KCNS3: variants seen among roughly 807,000 people sequenced by gnomAD.
KCNS3 encodes the protein potassium voltage-gated channel modifier subfamily S member 3.
A neutral mutation model predicts 31.0 loss-of-function variants in KCNS3; 13 were observed. The observed-to-expected ratio is 0.42, with a 90% CI of 0.27 to 0.67. The LOEUF (loss-of-function observed/expected upper bound fraction) is 0.67. Ranked by LOEUF, KCNS3 falls within the 30% of genes least tolerant of loss-of-function variation. The probability of loss-of-function intolerance (pLI) is 0.25; values close to 1 mark genes in which losing one functional copy is unlikely to be tolerated. For missense variants in KCNS3, 545 were observed against 622.4 expected (o/e 0.88, Z 1.32); for synonymous variants, 238 against 241.5 (o/e 0.99, Z 0.13).
At position 17,931,681 on chromosome 2, in the gene KCNS3, G is replaced by T. The variant is rs17856097; in HGVS notation, c.673G>T (p.Val225Leu). ...AGTGGATGATCCGGTGCTGGAAGGAGTGGAGATCGCGTGCATTGCCTGGTT... is the reference window on the plus strand; with the variant it reads ...AGTGGATGATCCGGTGCTGGAAGGATTGGAGATCGCGTGCATTGCCTGGTT... ...GEVDDPVLEGVEIACIAWFTG... is the reference protein window; with the variant it reads ...GEVDDPVLEGLEIACIAWFTG... The change falls in exon 3 of 3, where the codon GTG becomes TTG. Residue 225 changes from valine (V) to leucine (L), a missense_variant. Transcript: ENST00000304101. The surrounding 1 kb of genome is among the most constrained non-coding windows in gnomAD (Gnocchi z 5.4). 2 of 1,614,222 alleles carry T rather than the reference G, an allele frequency of 1.2e-6. No homozygotes were observed. The highest frequency in any genetic ancestry group is 1.7e-6 in the Non-Finnish European group (2 of 1,180,034).
intron 1 of KCNS3, among the ~76,000 whole-genome samples, chr2:17,910,588 C>T (rs772160264): frequency 2.0e-5 from 3 of 150,978 alleles, no homozygotes; most frequent in Non-Finnish European, 4.4e-5. Context: ...CATTTCAGAT[C>T]ACTGGGATTC....
rs1181015760 is a variant in KCNS3 at position 17,931,963 on chromosome 2, C to A, written c.955C>A (p.His319Asn). Residue 319 changes from histidine to asparagine, a missense_variant, in exon 3 of 3, where the codon CAC becomes AAC. His to Asn is a moderately conservative substitution (Grantham distance 68). Transcript: ENST00000304101. This position sits in a 1 kb window ranked among gnomAD's most constrained non-coding sequence, Gnocchi z 5.4. ...TCGGTCTCTAGGTGCCACACTGAGA[C>A]ACAGCTACCATGAAGTTGGGCTTCT... ...GLRSLGATLR[H>N]SYHEVGLLLL... 6.2e-7 allele frequency: 1 copy of A among 1,614,012 alleles called. No homozygotes were observed. Among genetic ancestry groups the A allele is most frequent in the Non-Finnish European group, 8.5e-7 (1 of 1,180,026 alleles).
At chr2:17,925,577 G>A (rs943879257) in intron 2 of KCNS3, among the ~76,000 whole-genome samples, 1 of 152,188 alleles carries the variant, frequency 6.6e-6, no homozygotes, top group Admixed American at 6.5e-5. Flanking sequence ...AGGGGAAGAG[G>A]CACGTCTTAC....
chr2:17,904,327 T>C (rs915803402), intron 1 of KCNS3, among the ~76,000 whole-genome samples: 1 of 152,196 alleles, frequency 6.6e-6, no homozygotes, highest in Non-Finnish European at 1.5e-5. Flanking sequence ...TCTTGTAAAT[T>C]TGTTGGAGTT....
At chr2:17,920,658 G>T (rs779919401) in intron 2 of KCNS3, among the ~76,000 whole-genome samples, 5 of 152,178 alleles carry the variant, frequency 3.3e-5, no homozygotes, top group Non-Finnish European at 7.3e-5. Flanking sequence ...GAGTGATGTG[G>T]GTTGATAGTA....
intron 1 of KCNS3, among the ~76,000 whole-genome samples, chr2:17,884,716 C>G (rs970223410): frequency 1.8e-4 from 28 of 152,206 alleles, no homozygotes; most frequent in African/African-American, 6.0e-4. Flanking sequence ...GTGAGTCCAG[C>G]TCGTTGGTAA....
intron 2 of KCNS3, among the ~76,000 whole-genome samples, chr2:17,923,227 G>A (rs945589454): frequency 3.3e-5 from 5 of 152,082 alleles, no homozygotes; most frequent in Admixed American, 2.0e-4. Flanking sequence ...TAATGATGTT[G>A]AGCATCTTTT....
chr2:17,931,196 C>T lies in KCNS3; in HGVS notation c.188C>T (p.Ala63Val). 1 of 1,614,058 alleles carries T rather than the reference C, an allele frequency of 6.2e-7. No homozygotes were observed. The highest frequency in any genetic ancestry group is 8.5e-7 in the Non-Finnish European group (1 of 1,179,986). The part of the protein sequence containing the change: ...ILELCDDYSV[A>V]DKEYYFDRNP... ...GAGCTGTGTGATGATTACAGTGTGG[C>T]CGATAAGGAGTACTACTTTGATCGG... The change falls in exon 3 of 3, where the codon GCC becomes GTC. Residue 63 changes from alanine (A) to valine (V), a missense_variant. Ala to Val is a moderately conservative substitution (Grantham distance 64). Coordinates refer to ENST00000304101, the MANE Select transcript of KCNS3 (RefSeq NM_002252.5). This position sits in a 1 kb window ranked among gnomAD's most constrained non-coding sequence, Gnocchi z 5.4.
In KCNS3 at chr2:17,931,599, C is replaced by T; in HGVS notation, c.591C>T (p.Ala197=). Residue 197 remains alanine, a synonymous_variant, in exon 3 of 3, where the codon GCC becomes GCT. Transcript: ENST00000304101. This position sits in a 1 kb window ranked among gnomAD's most constrained non-coding sequence, Gnocchi z 5.4. The part of the protein sequence containing the change: ...IAISSLSVVL[A]SIVAMCVHSM... The stretch of plus-strand genomic sequence containing the variant: ...TCTCCTCCTTGAGCGTGGTGCTGGC[C>T]TCCATCGTGGCCATGTGCGTTCACA... 2 of 1,614,176 alleles carry T rather than the reference C, an allele frequency of 1.2e-6. No individual in the cohort carries two copies. Among genetic ancestry groups the T allele is most frequent in the South Asian group, 1.1e-5 (1 of 91,082 alleles).
In KCNS3 at chr2:17,904,100, C is replaced by T. The variant is rs1418963208; in HGVS notation, c.-251-13580C>T. On this transcript the variant is annotated intron_variant, in intron 1 of 2. Transcript: ENST00000304101. ...CAGTGTAAAAGTGTTCCTATTTCTC[C>T]ACATCCTCTCCAGCACCTGTGGTTT... Among the ~76,000 whole-genome samples, 4 of 152,156 alleles carry T rather than the reference C, an allele frequency of 2.6e-5. No homozygotes were observed. The South Asian group carries it at 8.3e-4, about 32-fold the overall frequency.
At chr2:17,903,526 A>G (rs1662237418) in intron 1 of KCNS3, among the ~76,000 whole-genome samples, 1 of 152,122 alleles carries the variant, frequency 6.6e-6, no homozygotes, top group African/African-American at 2.4e-5. Flanking sequence ...TTACATATGT[A>G]TACATGTGCC....
chr2:17,893,625 G>A (rs1402787598), intron 1 of KCNS3, among the ~76,000 whole-genome samples: 1 of 152,130 alleles, frequency 6.6e-6, no homozygotes, highest in Non-Finnish European at 1.5e-5. Flanking sequence ...ATTTCGCTCG[G>A]CTCTCTAACT....
chr2:17,905,630 A>G (rs1295308321), intron 1 of KCNS3, among the ~76,000 whole-genome samples: 1 of 152,086 alleles, frequency 6.6e-6, no homozygotes, highest in East Asian at 1.9e-4. Flanking sequence ...TTTGAGATAC[A>G]TCTCATCAAT....
At chr2:17,895,485 G>A (rs1662004016) in intron 1 of KCNS3, among the ~76,000 whole-genome samples, 1 of 152,144 alleles carries the variant, frequency 6.6e-6, no homozygotes, top group African/African-American at 2.4e-5. Flanking sequence ...AGCCAATATG[G>A]TGAGAAGGTA....
intron 1 of KCNS3, among the ~76,000 whole-genome samples, chr2:17,910,812 C>G (rs1480871073): frequency 6.6e-6 from 1 of 152,124 alleles, no homozygotes; most frequent in African/African-American, 2.4e-5. Flanking sequence ...ACATCTCTTA[C>G]TTTGGTATTC....
chr2:17,884,469 T>C (rs948986340), intron 1 of KCNS3, among the ~76,000 whole-genome samples: 2 of 151,600 alleles, frequency 1.3e-5, no homozygotes, highest in African/African-American at 4.8e-5. Context: ...GAAGAACAGA[T>C]AGAAGAATAG....
chr2:17,881,673 C>T (rs1376853520), intron 1 of KCNS3, among the ~76,000 whole-genome samples: 1 of 152,188 alleles, frequency 6.6e-6, no homozygotes, highest in Non-Finnish European at 1.5e-5. Context: ...AGGATTCTAT[C>T]CCTTGCAGTC....
At chr2:17,911,084 T>C (rs1472419470) in intron 1 of KCNS3, among the ~76,000 whole-genome samples, 2 of 152,194 alleles carry the variant, frequency 1.3e-5, no homozygotes, top group Non-Finnish European at 2.9e-5. Flanking sequence ...CTCCAAATAC[T>C]ACCTATTCAT....
At chr2:17,924,264 A>G (rs1001417927) in intron 2 of KCNS3, among the ~76,000 whole-genome samples, 2 of 151,796 alleles carry the variant, frequency 1.3e-5, no homozygotes, top group East Asian at 1.9e-4. Context: ...TATCTATTCC[A>G]TAGGATTTTC....
Sources: gnomAD v4.1 joint callset for allele counts (sites outside exome capture counted in the v4.1 genomes callset) on GRCh38, gnomAD v4.1.1 for gene constraint, Gnocchi (gnomAD v3.1) non-coding constraint, MANE v1.5 for transcripts, NCBI Gene and HGNC (gene_info 2026-07-23, HGNC 2026-07-21) for gene names.